Variants in ST6GALNAC5 observed in about 807,000 individuals in gnomAD.
ST6GALNAC5 encodes the protein alpha-N-acetylgalactosaminide alpha-2,6-sialyltransferase 5.
A neutral mutation model predicts 33.6 loss-of-function variants in ST6GALNAC5; 27 were observed. The ratio of observed to expected loss-of-function variants is 0.80; its 90% CI spans 0.59 to 1.11. ST6GALNAC5 has a LOEUF of 1.11. Ranked by LOEUF, ST6GALNAC5 falls within the 50% of genes least tolerant of loss-of-function variation. The pLI is 0.00. For synonymous variants in ST6GALNAC5, 194 were observed against 171.2 expected (o/e 1.13, Z -1.04); for missense variants, 428 against 454.0 (o/e 0.94, Z 0.52).
At chr1:77,045,438 T>G (rs1162661882) in intron 3 of ST6GALNAC5, among the ~76,000 whole-genome samples, 1 of 152,226 alleles carries the variant, frequency 6.6e-6, no homozygotes, top group Non-Finnish European at 1.5e-5. Flanking sequence ...TTAGTGGTGA[T>G]GGTTGCACAA....
chr1:76,886,303 T>G (rs1653893478), intron 2 of ST6GALNAC5, among the ~76,000 whole-genome samples: 1 of 152,184 alleles, frequency 6.6e-6, no homozygotes, highest in African/African-American at 2.4e-5. Context: ...TTTTCTTAGT[T>G]CCTTTTTTTT....
chr1:76,959,988 G>A (rs934611860), intron 2 of ST6GALNAC5, among the ~76,000 whole-genome samples: 32 of 152,158 alleles, frequency 2.1e-4, no homozygotes, highest in African/African-American at 7.7e-4. Context: ...GTGGGTAGAA[G>A]AAGTATTATG....
intron 2 of ST6GALNAC5, among the ~76,000 whole-genome samples, chr1:76,952,736 A>C (rs1285858962): frequency 1.3e-5 from 2 of 152,010 alleles, no homozygotes; most frequent in East Asian, 3.9e-4. Flanking sequence ...GAAAATAAAA[A>C]CACCATGGTC....
rs564466830 is a variant in ST6GALNAC5 at position 77,024,851 on chromosome 1, G to T, written c.262-19353G>T. 1.2e-4 allele frequency among the ~76,000 whole-genome samples: 18 copies of T among 152,296 alleles called. No homozygotes were observed. The South Asian group carries it at 3.3e-3, about 28-fold the overall frequency. On this transcript the variant is annotated intron_variant, in intron 2 of 4. Transcript: ENST00000477717. ...CCACAGAGCACCAGAATCCCCAGCT[G>T]GTCAGTTCAGGGATTTAGAGAAGCT...
At chr1:76,930,948 C>G (rs1557727311) in intron 2 of ST6GALNAC5, among the ~76,000 whole-genome samples, 1 of 152,158 alleles carries the variant, frequency 6.6e-6, no homozygotes, top group Non-Finnish European at 1.5e-5. Flanking sequence ...GTGGGACATT[C>G]CTCTTGCAAG....
chr1:76,952,829 C>CGG, intron 2 of ST6GALNAC5, among the ~76,000 whole-genome samples: 1 of 152,104 alleles, frequency 6.6e-6, no homozygotes, highest in Non-Finnish European at 1.5e-5. Flanking sequence ...AAGGAACACC[C>CGG]TCCCTGTGCT....
chr1:76,941,983 G>C (rs564867126), intron 2 of ST6GALNAC5, among the ~76,000 whole-genome samples: 1 of 152,278 alleles, frequency 6.6e-6, no homozygotes, highest in East Asian at 1.9e-4. Flanking sequence ...CACTAGTTGT[G>C]TGGGTGAAGA....
chr1:77,040,961 C>T (rs1236219562), intron 2 of ST6GALNAC5, among the ~76,000 whole-genome samples: 1 of 152,206 alleles, frequency 6.6e-6, no homozygotes, highest in Non-Finnish European at 1.5e-5. Context: ...GTGTCAAAGT[C>T]AGTCCTGCCA....
chr1:77,009,418 G>T (rs1002485841), intron 2 of ST6GALNAC5, among the ~76,000 whole-genome samples: 3 of 152,100 alleles, frequency 2.0e-5, no homozygotes. Context: ...AACATGGCAC[G>T]CAGGGAGAGG....
intron 2 of ST6GALNAC5, among the ~76,000 whole-genome samples, chr1:76,889,707 A>G (rs548178511): frequency 9.2e-5 from 14 of 152,078 alleles, no homozygotes; most frequent in Non-Finnish European, 2.1e-4. Context: ...ACTATAATGA[A>G]TTCTGGACAG....
At chr1:76,883,783 A>T (rs1042187748) in intron 2 of ST6GALNAC5, among the ~76,000 whole-genome samples, 4 of 152,222 alleles carry the variant, frequency 2.6e-5, no homozygotes, top group African/African-American at 7.2e-5. Context: ...ATTAAATAAT[A>T]TTGTGTTTCT....
intron 2 of ST6GALNAC5, among the ~76,000 whole-genome samples, chr1:76,890,510 G>T (rs1653991644): frequency 6.6e-6 from 1 of 151,070 alleles, no homozygotes; most frequent in Non-Finnish European, 1.5e-5. Flanking sequence ...GCCACTGTCT[G>T]CAATGCCCAT....
chr1:77,017,876 A>G (rs1650907962), intron 2 of ST6GALNAC5, among the ~76,000 whole-genome samples: 1 of 152,218 alleles, frequency 6.6e-6, no homozygotes, highest in East Asian at 1.9e-4. Context: ...TGGAAAGAAC[A>G]CTACACGTGG....
intron 2 of ST6GALNAC5, among the ~76,000 whole-genome samples, chr1:77,003,888 A>G (rs1239415045): frequency 2.8e-5 from 4 of 142,722 alleles, no homozygotes; most frequent in Admixed American, 1.4e-4. Context: ...CTTCCCTTTG[A>G]GGGTAACCCG....
chr1:76,868,555 T>C lies in ST6GALNAC5; in HGVS notation c.74T>C (p.Val25Ala), dbSNP rs1653408957. ...LTTMCTSLLL[V>A]YSSLGGQKER... The stretch of plus-strand genomic sequence containing the variant: ...ACCATGTGCACCAGCTTGTTGCTAG[T>C]GTACAGCAGCCTCGGCGGCCAGAAG... Residue 25 changes from valine (V) to alanine (A), a missense_variant, in exon 2 of 5, where the codon GTG (valine) becomes GCG (alanine). Transcript: ENST00000477717. The surrounding 1 kb of genome is among the most constrained non-coding windows in gnomAD (Gnocchi z 4.3). 6.2e-7 allele frequency: 1 copy of C among 1,613,306 alleles called. No individual in the cohort carries two copies. The highest frequency in any genetic ancestry group is 8.5e-7 in the Non-Finnish European group (1 of 1,179,560).
intron 2 of ST6GALNAC5, among the ~76,000 whole-genome samples, chr1:76,941,906 A>G (rs561600606): frequency 1.3e-5 from 2 of 152,224 alleles, no homozygotes; most frequent in East Asian, 3.9e-4. Context: ...TGCCAGCTGC[A>G]AGGTGGCCCT....
chr1:76,939,576 G>C (rs1647278429), intron 2 of ST6GALNAC5, among the ~76,000 whole-genome samples: 1 of 152,064 alleles, frequency 6.6e-6, no homozygotes, highest in African/African-American at 2.4e-5. Context: ...CATTTTCTAG[G>C]AGTGGAAATG....
intron 2 of ST6GALNAC5, among the ~76,000 whole-genome samples, chr1:77,008,681 C>G (rs1650515890): frequency 6.6e-6 from 1 of 152,218 alleles, no homozygotes; most frequent in South Asian, 2.1e-4. Context: ...AGGTGCCCGC[C>G]ACCACACCCG....
intron 2 of ST6GALNAC5, among the ~76,000 whole-genome samples, chr1:77,009,514 G>A (rs1051857000): frequency 4.6e-5 from 7 of 152,160 alleles, no homozygotes; most frequent in African/African-American, 1.7e-4. Context: ...GGGTAGGAGA[G>A]GGATCCAAAG....
Sources: gnomAD v4.1 joint callset for allele counts (sites outside exome capture counted in the v4.1 genomes callset) on GRCh38, gnomAD v4.1.1 for gene constraint, Gnocchi (gnomAD v3.1) non-coding constraint, MANE v1.5 for transcripts, NCBI Gene and HGNC (gene_info 2026-07-23, HGNC 2026-07-21) for gene names.